LANCL2: variants seen among roughly 807,000 people sequenced by gnomAD.
The protein encoded by LANCL2 is lanC-like protein 2.
LANCL2 carries 33 observed loss-of-function variants against 56.9 expected under a neutral mutation model. The ratio of observed to expected loss-of-function variants is 0.58; its 90% CI spans 0.44 to 0.78. LANCL2 has a LOEUF of 0.78. Among genes scored for constraint, LANCL2 ranks in the 30% least tolerant of loss-of-function variants. LANCL2 has a pLI of 0.00. For synonymous variants in LANCL2, 233 were observed against 228.2 expected (o/e 1.02, Z -0.19); for missense variants, 562 against 580.2 (o/e 0.97, Z 0.32).
At chr7:55,367,916 T>C (rs1479390659) in intron 1 of LANCL2, among the ~76,000 whole-genome samples, 1 of 152,266 alleles carries the variant, frequency 6.6e-6, no homozygotes, top group Non-Finnish European at 1.5e-5. Flanking sequence ...TATTGGTTTT[T>C]CTCTAGATTT....
chr7:55,431,503 T>A lies in LANCL2; in HGVS notation c.*183T>A. 1 of 551,908 alleles carries A rather than the reference T, an allele frequency of 1.8e-6. No individual in the cohort carries two copies. The highest frequency in any genetic ancestry group is 3.2e-6 in the Non-Finnish European group (1 of 313,388). The allele number at this position is 551,908 out of a possible 1,614,324, so 34.2% of individuals were successfully genotyped here. ...CATTTTCTAACAGCACCCTCATCAATATAAAATATGACTTCTTCACATACA... is the reference window on the plus strand; with the variant it reads ...CATTTTCTAACAGCACCCTCATCAAAATAAAATATGACTTCTTCACATACA... On this transcript the variant is annotated 3_prime_UTR_variant, in exon 9 of 9. Coordinates refer to ENST00000254770, the MANE Select transcript of LANCL2 (RefSeq NM_018697.4).
chr7:55,424,069 G>A (rs1463272702), intron 6 of LANCL2, among the ~76,000 whole-genome samples: 1 of 152,148 alleles, frequency 6.6e-6, no homozygotes, highest in Non-Finnish European at 1.5e-5. Context: ...AGAGGGACCT[G>A]ACCTGCCACC....
At chr7:55,409,368 C>T (rs1176190367) in intron 5 of LANCL2, among the ~76,000 whole-genome samples, 1 of 152,120 alleles carries the variant, frequency 6.6e-6, no homozygotes, top group Non-Finnish European at 1.5e-5. Flanking sequence ...GGATTACAGG[C>T]GTGAGCCACC....
At chr7:55,409,369 G>A (rs748336330) in intron 5 of LANCL2, among the ~76,000 whole-genome samples, 11 of 151,998 alleles carry the variant, frequency 7.2e-5, no homozygotes, top group East Asian at 1.9e-4. Context: ...GATTACAGGC[G>A]TGAGCCACCG....
intron 6 of LANCL2, 25 bp from the exon 7 acceptor site, chr7:55,425,229 A>G (rs769896686): frequency 5.0e-6 from 8 of 1,607,700 alleles, no homozygotes; most frequent in Non-Finnish European, 6.8e-6. Flanking sequence ...TCTTTTTAAC[A>G]CTGCTTTGTT....
In LANCL2 at chr7:55,381,766, A is replaced by T. The variant is rs187362490; in HGVS notation, c.205-10027A>T. 9.8e-5 allele frequency among the ~76,000 whole-genome samples: 15 copies of T among 152,364 alleles called. No individual in the cohort carries two copies. In the East Asian group the frequency reaches 2.3e-3, roughly 24 times the overall value. On this transcript the variant is annotated intron_variant, in intron 1 of 8. Coordinates refer to ENST00000254770, the MANE Select transcript of LANCL2 (RefSeq NM_018697.4). Reference sequence around the variant, plus strand: ...TGGGACGTACCCAGGGAATGAGTGTATCTCACACAGATGGCTTAACAAACC... The same window carrying T: ...TGGGACGTACCCAGGGAATGAGTGTTTCTCACACAGATGGCTTAACAAACC...
rs898717419 is a variant in LANCL2, at chr7:55,401,446, T to C, written c.825+126T>C. 7.2e-5 allele frequency: 44 copies of C among 610,626 alleles called. No homozygotes were observed. In the South Asian group the frequency reaches 1.1e-3, roughly 15 times the overall value. 37.8% of individuals were successfully genotyped at this position (610,626 alleles called of 1,614,324 possible). Reference sequence around the variant, plus strand: ...ACTTTGAATCGCTGATGCGTAACTCTGCCACATAAACCACAGGCAGTGGAT... The same window carrying C: ...ACTTTGAATCGCTGATGCGTAACTCCGCCACATAAACCACAGGCAGTGGAT... On this transcript the variant is annotated intron_variant, in intron 5 of 8. Transcript: ENST00000254770.
At chr7:55,415,933 A>G (rs938247424) in intron 6 of LANCL2, among the ~76,000 whole-genome samples, 10 of 151,856 alleles carry the variant, frequency 6.6e-5, no homozygotes, top group African/African-American at 2.4e-4. Flanking sequence ...ATTGTTTTTC[A>G]TCGGTTTCCA....
chr7:55,372,909 A>G (rs1326496324), intron 1 of LANCL2, among the ~76,000 whole-genome samples: 2 of 152,214 alleles, frequency 1.3e-5, no homozygotes, highest in Non-Finnish European at 2.9e-5. Context: ...ATACACATAC[A>G]TTCTTCCTCT....
rs1583771129 is a variant in LANCL2 at position 55,432,934 on chromosome 7, C to G, written c.*1614C>G. The G allele has an allele frequency of 6.6e-6, 1 of 152,294 alleles. No homozygotes were observed. The highest frequency in any genetic ancestry group is 1.5e-5 in the Non-Finnish European group (1 of 68,068). 9.4% of individuals were successfully genotyped at this position (152,294 alleles called of 1,614,324 possible). Reference sequence around the variant, plus strand: ...TTGCAGGCAGTCCAGCAGCCCACACCTGCAGGCAGGATGCTGTCGTCAATG... The same window carrying G: ...TTGCAGGCAGTCCAGCAGCCCACACGTGCAGGCAGGATGCTGTCGTCAATG... On this transcript the variant is annotated 3_prime_UTR_variant, in exon 9 of 9. Transcript: ENST00000254770.
At chr7:55,420,664 C>T (rs913629628) in intron 6 of LANCL2, among the ~76,000 whole-genome samples, 5 of 152,186 alleles carry the variant, frequency 3.3e-5, no homozygotes, top group Non-Finnish European at 4.4e-5. Flanking sequence ...TTTCTGCAAC[C>T]ACTCAGTTCT....
At chr7:55,394,085 C>T (rs1374411128) in intron 2 of LANCL2, 2 of 152,182 alleles carry the variant, frequency 1.3e-5, no homozygotes, top group East Asian at 1.9e-4. Context: ...GCCTCCAGCC[C>T]AGAAGAGTTA....
intron 1 of LANCL2, among the ~76,000 whole-genome samples, chr7:55,390,461 T>G (rs1304745677): frequency 6.6e-6 from 1 of 151,842 alleles, no homozygotes; most frequent in Non-Finnish European, 1.5e-5. Context: ...CAAAAATTAG[T>G]CGGGTGTGGT....
At chr7:55,366,354 T>A in intron 1 of LANCL2, 125 bp downstream of exon 1, 1 of 776,566 alleles carries the variant, frequency 1.3e-6, no homozygotes. Context: ...TGATAGCGCC[T>A]AGCACCTGTC....
intron 1 of LANCL2, among the ~76,000 whole-genome samples, chr7:55,372,769 A>C (rs1442205709): frequency 6.6e-6 from 1 of 152,198 alleles, no homozygotes; most frequent in Admixed American, 6.5e-5. Context: ...CAGAAAAAAA[A>C]CCTACTTTTT....
chr7:55,413,686 G>A (rs1311921475), intron 6 of LANCL2, among the ~76,000 whole-genome samples: 2 of 152,216 alleles, frequency 1.3e-5, no homozygotes, highest in Non-Finnish European at 2.9e-5. Flanking sequence ...CTCCTGGCAG[G>A]GCTTCTGCAT....
In LANCL2 at chr7:55,392,842, C is replaced by T. The variant is rs11982310; in HGVS notation, c.322+932C>T. On this transcript the variant is annotated intron_variant, in intron 2 of 8. Transcript: ENST00000254770. Reference sequence around the variant, plus strand: ...TGTGTAACTATTAAGAGCAAACTTTCCCTAGGGTCAGTTTTAAAGGATTCT... The same window carrying T: ...TGTGTAACTATTAAGAGCAAACTTTTCCTAGGGTCAGTTTTAAAGGATTCT... Among the ~76,000 whole-genome samples, 849 of 152,094 alleles carry T rather than the reference C, an allele frequency of 5.6e-3. 18 individuals are homozygous for T. Among genetic ancestry groups the T allele is most frequent in the African/African-American group, 0.02 (812 of 41,476 alleles).
In LANCL2 at chr7:55,365,934, C is replaced by T. The variant is rs1227905552; in HGVS notation, c.-92C>T. 5.7e-6 allele frequency: 6 copies of T among 1,058,026 alleles called. No homozygotes were observed. The highest frequency in any genetic ancestry group is 7.8e-6 in the Non-Finnish European group (6 of 772,874). The allele number at this position is 1,058,026 out of a possible 1,614,324, so 65.5% of individuals were successfully genotyped here. A position where few individuals can be genotyped will look rare whatever the true frequency, so the allele number is the denominator to read the frequency against. On this transcript the variant is annotated 5_prime_UTR_variant, in exon 1 of 9. Transcript: ENST00000254770. Reference sequence around the variant, plus strand: ...CCTCGCTCCTCCTAGAGGACGCTCTCTGCGCGGGCCCTCGGAGGAGGCGGC... The same window carrying T: ...CCTCGCTCCTCCTAGAGGACGCTCTTTGCGCGGGCCCTCGGAGGAGGCGGC...
intron 4 of LANCL2, among the ~76,000 whole-genome samples, chr7:55,400,461 T>G (rs1241765046): frequency 6.6e-6 from 1 of 152,168 alleles, no homozygotes; most frequent in Non-Finnish European, 1.5e-5. Flanking sequence ...GGCATACCCT[T>G]ATTTGCAGGA....
Sources: allele counts gnomAD v4.1 joint callset (sites outside exome capture counted in the v4.1 genomes callset), GRCh38; gene constraint gnomAD v4.1.1; transcripts MANE v1.5; gene names NCBI Gene and HGNC (gene_info 2026-07-23, HGNC 2026-07-21).